BTRC: variants seen among roughly 807,000 people sequenced by gnomAD.
The protein encoded by BTRC is F-box/WD repeat-containing protein 1A.
A neutral mutation model predicts 85.5 loss-of-function variants in BTRC; 42 were observed. The ratio of observed to expected loss-of-function variants is 0.49; its 90% CI spans 0.38 to 0.64. The LOEUF (loss-of-function observed/expected upper bound fraction) is 0.64. Ranked by LOEUF, BTRC falls within the 30% of genes least tolerant of loss-of-function variation. BTRC has a pLI of 0.00. For synonymous variants in BTRC, 255 were observed against 263.3 expected, an observed-to-expected ratio of 0.97 and a Z score of 0.30; for missense variants, 594 against 743.5, an observed-to-expected ratio of 0.80 and a Z score of 2.34.
At chr10:101,374,889 T>C (rs1483886892) in intron 1 of BTRC, among the ~76,000 whole-genome samples, 1 of 152,076 alleles carries the variant, frequency 6.6e-6, no homozygotes, top group Non-Finnish European at 1.5e-5. Context: ...GAGAGAAATA[T>C]CAGGATTTGG....
chr10:101,518,155 G>T (rs974959489), intron 4 of BTRC, among the ~76,000 whole-genome samples: 2 of 151,780 alleles, frequency 1.3e-5, no homozygotes, highest in African/African-American at 2.4e-5. Context: ...CTCGTGATCC[G>T]CCCGCCTCGG....
rs2062355339 is a variant in BTRC at position 101,534,550 on chromosome 10, T to C, written c.1098-111T>C. 15 of 1,391,232 alleles carry C rather than the reference T, an allele frequency of 1.1e-5. No homozygotes were observed. The South Asian group carries it at 1.9e-4, about 18-fold the overall frequency. 86.2% of individuals were successfully genotyped at this position (1,391,232 alleles called of 1,614,324 possible). A position where few individuals can be genotyped will look rare whatever the true frequency, so the allele number is the denominator to read the frequency against. On this transcript the variant is annotated intron_variant, in intron 9 of 14. Transcript: ENST00000370187. ...TCCCATCCCCTTCCTTCTCCCACTC[T>C]CCCAGTCTGGCCCTCTCTCTAAATA... is the stretch of plus-strand genomic sequence containing the variant.
intron 1 of BTRC, among the ~76,000 whole-genome samples, chr10:101,426,969 CTATT>C (rs1021382348): frequency 2.0e-5 from 3 of 152,076 alleles, no homozygotes; most frequent in Non-Finnish European, 4.4e-5. Flanking sequence ...TTTTCATGCT[CTATT>C]TATTTACACC....
At chr10:101,357,311 C>T (rs796958776) in intron 1 of BTRC, among the ~76,000 whole-genome samples, 10 of 140,026 alleles carry the variant, frequency 7.1e-5, no homozygotes, top group Admixed American at 1.4e-4. Context: ...CCTGGTGGCG[C>T]GCACCTGTAG....
At chr10:101,453,593 T>G (rs2134146261) in intron 2 of BTRC, 1 of 152,370 alleles carries the variant, frequency 6.6e-6, no homozygotes, top group East Asian at 1.9e-4. Context: ...TTCATCACTG[T>G]GTAAATTAGT....
intron 4 of BTRC, among the ~76,000 whole-genome samples, chr10:101,496,003 A>G (rs1360982996): frequency 3.5e-5 from 2 of 56,428 alleles, no homozygotes; most frequent in Admixed American, 2.4e-4. Context: ...ATGGAATCAT[A>G]TAGTATTTTT....
intron 4 of BTRC, among the ~76,000 whole-genome samples, chr10:101,492,301 CATGTTTAAAAAGAA>C (rs1946153547): frequency 6.6e-6 from 1 of 151,968 alleles, no homozygotes; most frequent in South Asian, 2.1e-4. Flanking sequence ...GAGAGAAAAC[CATGTTTAAAAAGAA>C]ATGGTTCCTA....
At chr10:101,472,222 TCTCC>T (rs1307345543) in intron 3 of BTRC, among the ~76,000 whole-genome samples, 1 of 151,852 alleles carries the variant, frequency 6.6e-6, no homozygotes. Flanking sequence ...ATTTCATTTT[TCTCC>T]CTTCCTTCCT....
chr10:101,468,455 A>G (rs1056866708), intron 3 of BTRC, among the ~76,000 whole-genome samples: 17 of 152,120 alleles, frequency 1.1e-4, no homozygotes, highest in Non-Finnish European at 1.9e-4. Flanking sequence ...TAAAAAAAAA[A>G]TCTGCCCTAA....
At chr10:101,532,789 T>TGTGTGTGTGTGCGC (rs57980548) in intron 8 of BTRC, among the ~76,000 whole-genome samples, 163 bp from the exon 9 acceptor site, 1 of 78,230 alleles carries the variant, frequency 1.3e-5, no homozygotes, top group African/African-American at 6.6e-5. Flanking sequence ...TGTGTGTGTG[T>TGTGTGTGTGTGCGC]GCGCGTGTGC....
chr10:101,465,498 A>C (rs1301268081), intron 3 of BTRC, among the ~76,000 whole-genome samples: 1 of 152,198 alleles, frequency 6.6e-6, no homozygotes, highest in African/African-American at 2.4e-5. Context: ...CACAGGGTGA[A>C]GCAAAATTTG....
intron 2 of BTRC, among the ~76,000 whole-genome samples, chr10:101,444,883 A>G (rs1944780975): frequency 6.6e-6 from 1 of 152,186 alleles, no homozygotes; most frequent in South Asian, 2.1e-4. Context: ...GGTGTGGAGT[A>G]GTCTAACCAC....
chr10:101,511,086 C>T (rs1241798284), intron 4 of BTRC, among the ~76,000 whole-genome samples: 1 of 152,214 alleles, frequency 6.6e-6, no homozygotes, highest in Non-Finnish European at 1.5e-5. Context: ...TCAAAACCTC[C>T]AGGGGCTCTC....
chr10:101,487,947 A>G (rs922757517), intron 4 of BTRC, among the ~76,000 whole-genome samples: 1 of 152,188 alleles, frequency 6.6e-6, no homozygotes, highest in Non-Finnish European at 1.5e-5. Flanking sequence ...AATACTGCCT[A>G]CTTTCCAAAG....
intron 1 of BTRC, among the ~76,000 whole-genome samples, chr10:101,424,994 C>A (rs1944211521): frequency 6.6e-6 from 1 of 152,086 alleles, no homozygotes; most frequent in Non-Finnish European, 1.5e-5. Context: ...CTGTTCCCTT[C>A]TTTATGTCCA....
chr10:101,510,979 C>A (rs1946687570), intron 4 of BTRC, among the ~76,000 whole-genome samples: 1 of 152,150 alleles, frequency 6.6e-6, no homozygotes, highest in Non-Finnish European at 1.5e-5. Flanking sequence ...CTCTTATTAT[C>A]CCCTCCCCAC....
At chr10:101,490,309 G>A (rs1450772192) in intron 4 of BTRC, among the ~76,000 whole-genome samples, 1 of 150,358 alleles carries the variant, frequency 6.7e-6, no homozygotes, top group Non-Finnish European at 1.5e-5. Context: ...CTACTCAGAA[G>A]TTTGAGGAGG....
At chr10:101,366,967 AAT>A (rs1564730605) in intron 1 of BTRC, among the ~76,000 whole-genome samples, 2 of 30,024 alleles carry the variant, frequency 6.7e-5, no homozygotes, top group South Asian at 1.4e-3. Context: ...TATTTATATA[AAT>A]ATATATTTAT....
intron 1 of BTRC, among the ~76,000 whole-genome samples, chr10:101,375,160 G>A (rs1427945212): frequency 2.0e-5 from 3 of 152,184 alleles, no homozygotes; most frequent in South Asian, 4.1e-4. Context: ...GGTGGGGCCT[G>A]GTAGGAGGTG....
Sources: allele counts gnomAD v4.1 joint callset (sites outside exome capture counted in the v4.1 genomes callset), GRCh38; gene constraint gnomAD v4.1.1; transcripts MANE v1.5; gene names NCBI Gene and HGNC (gene_info 2026-07-23, HGNC 2026-07-21).